The following SLC25A28 variants were observed in gnomAD, a reference collection of about 807,000 sequenced individuals.
SLC25A28 encodes mitoferrin-2.
Under a neutral mutation model 31.9 loss-of-function variants are expected in SLC25A28, and 10 were observed. That is an observed-to-expected ratio of 0.31 (90% CI 0.19 to 0.53). The LOEUF (loss-of-function observed/expected upper bound fraction) is 0.53, where lower values mean the gene tolerates loss of function less well. SLC25A28 is among the 20% of genes least tolerant of loss of function. The probability of loss-of-function intolerance (pLI) is 0.95; values close to 1 mark genes in which losing one functional copy is unlikely to be tolerated. For synonymous variants in SLC25A28, 208 were observed against 203.6 expected (o/e 1.02, Z -0.19); for missense variants, 256 against 490.3 (o/e 0.52, Z 4.51).
upstream of SLC25A28, chr10:99,621,839 C>A (rs568957588): frequency 2.0e-5 from 3 of 152,220 alleles, no homozygotes; most frequent in East Asian, 5.8e-4. Flanking sequence ...AAAACTTTTT[C>A]TACTCTCTTC....
the SLC25A28 span, among the ~76,000 whole-genome samples, chr10:99,639,874 A>G: frequency 6.6e-6 from 1 of 152,226 alleles, no homozygotes; most frequent in Non-Finnish European, 1.5e-5. Flanking sequence ...TAATTCACTT[A>G]CTTCATGACT....
chr10:99,651,589 C>CTTTTTTTT, the SLC25A28 span, among the ~76,000 whole-genome samples: 1 of 43,154 alleles, frequency 2.3e-5, no homozygotes, highest in South Asian at 1.1e-3. Flanking sequence ...TTGCCTTTTT[C>CTTTTTTTT]TTTTCTTTTT....
chr10:99,649,638 A>T, the SLC25A28 span, among the ~76,000 whole-genome samples: 14 of 152,186 alleles, frequency 9.2e-5, no homozygotes, highest in Middle Eastern at 3.4e-3. Context: ...CTCGCTACTC[A>T]TTATTGTTCT....
intron 1 of SLC25A28, chr10:99,619,431 TCA>T: frequency 2.0e-6 from 2 of 985,372 alleles, no homozygotes; most frequent in Non-Finnish European, 1.2e-6. Context: ...CATGCTTGCT[TCA>T]CAGAGAAACT....
chr10:99,626,520 C>T, the SLC25A28 span, among the ~76,000 whole-genome samples: 1 of 152,202 alleles, frequency 6.6e-6, no homozygotes, highest in Non-Finnish European at 1.5e-5. Context: ...CTTTCTCAAT[C>T]TGTCCTTTTA....
the SLC25A28 span, among the ~76,000 whole-genome samples, chr10:99,648,648 TAAAG>T: frequency 6.6e-6 from 1 of 151,394 alleles, no homozygotes; most frequent in East Asian, 1.9e-4. Context: ...GTTCTCCTTA[TAAAG>T]ATCTTTCACT....
Position 99,620,078 on chromosome 10 carries a change from C to T in SLC25A28, c.258G>A (p.Glu86=), listed in dbSNP as rs781591856. 3 of 1,581,392 alleles carry T rather than the reference C, an allele frequency of 1.9e-6. No homozygotes were observed. The highest frequency in any genetic ancestry group is 2.7e-5 in the African/African-American group (2 of 72,882). Residue 86 remains glutamate (E), a synonymous_variant, in exon 1 of 4, where the codon GAG becomes GAA. Transcript: ENST00000370495. ...MVAGAVAGIL[E]HCVMYPIDCV... is the part of the protein sequence containing the mutation. The stretch of plus-strand genomic sequence containing the variant: ...AGTCGATGGGGTACATCACGCAGTG[C>T]TCCAGGATCCCTGCCACGGCGCCTG...
intron 1 of SLC25A28, chr10:99,618,808 A>G: frequency 1.0e-6 from 1 of 985,460 alleles, no homozygotes; most frequent in Non-Finnish European, 1.2e-6. Context: ...AATGAAAAAC[A>G]TGAAACAGTA....
chr10:99,640,428 C>G, the SLC25A28 span, among the ~76,000 whole-genome samples: 1 of 152,156 alleles, frequency 6.6e-6, no homozygotes, highest in Non-Finnish European at 1.5e-5. Flanking sequence ...GCACATGGTA[C>G]CACATTCTAA....
At chr10:99,656,960 T>C in the SLC25A28 span, among the ~76,000 whole-genome samples, 1 of 152,212 alleles carries the variant, frequency 6.6e-6, no homozygotes, top group African/African-American at 2.4e-5. Flanking sequence ...GCTTGACAAA[T>C]GCTTGAGGGC....
At chr10:99,639,265 G>A in the SLC25A28 span, among the ~76,000 whole-genome samples, 1 of 150,960 alleles carries the variant, frequency 6.6e-6, no homozygotes, top group African/African-American at 2.4e-5. Flanking sequence ...TCTTCTCACC[G>A]ATATGTGGGA....
the SLC25A28 span, among the ~76,000 whole-genome samples, chr10:99,646,752 T>C: frequency 6.6e-6 from 1 of 152,216 alleles, no homozygotes; most frequent in Non-Finnish European, 1.5e-5. Flanking sequence ...AAGTCTGCAC[T>C]TTTAGTGTAC....
chr10:99,652,755 G>T, the SLC25A28 span, among the ~76,000 whole-genome samples: 11 of 152,224 alleles, frequency 7.2e-5, no homozygotes, highest in Admixed American at 7.2e-4. Flanking sequence ...CCTCACCCTG[G>T]TCTCTCTGAG....
At chr10:99,627,098 G>A in the SLC25A28 span, among the ~76,000 whole-genome samples, 32 of 152,086 alleles carry the variant, frequency 2.1e-4, 1 homozygote, top group South Asian at 2.5e-3. Flanking sequence ...AAAATTAGCC[G>A]GGCATGGTGG....
At chr10:99,623,089 C>T (rs1277477865), upstream of SLC25A28, among the ~76,000 whole-genome samples, 5 of 152,052 alleles carry the variant, frequency 3.3e-5, no homozygotes, top group East Asian at 5.8e-4. Context: ...TCTGAGGAGA[C>T]GACATGTATG....
At chr10:99,637,566 C>T in the SLC25A28 span, among the ~76,000 whole-genome samples, 6 of 152,114 alleles carry the variant, frequency 3.9e-5, no homozygotes, top group African/African-American at 4.8e-5. Flanking sequence ...CTCCTAGAAC[C>T]GATAAAAGAA....
chr10:99,652,730 C>G, the SLC25A28 span, among the ~76,000 whole-genome samples: 4 of 152,062 alleles, frequency 2.6e-5, no homozygotes, highest in Non-Finnish European at 5.9e-5. Flanking sequence ...CATACTGTAC[C>G]CCCACCCCAG....
At chr10:99,658,992 A>G in the SLC25A28 span, among the ~76,000 whole-genome samples, 495 of 152,340 alleles carry the variant, frequency 3.2e-3, 3 homozygotes, top group African/African-American at 0.011. Context: ...ACGGGGCAAG[A>G]CAGTGAGGTC....
At chr10:99,641,193 G>A in the SLC25A28 span, among the ~76,000 whole-genome samples, 1 of 152,158 alleles carries the variant, frequency 6.6e-6, no homozygotes, top group African/African-American at 2.4e-5. Context: ...CAGTGTAAAA[G>A]TGTTCCTATT....
Sources: allele counts gnomAD v4.1 joint callset (sites outside exome capture counted in the v4.1 genomes callset), GRCh38; gene constraint gnomAD v4.1.1; transcripts MANE v1.5; gene names NCBI Gene and HGNC (gene_info 2026-07-23, HGNC 2026-07-21).